The following NR5A2 variants were observed in gnomAD, a reference collection of about 807,000 sequenced individuals.
NR5A2 encodes the protein nuclear receptor subfamily 5 group A member 2, also known as CYP7A promoter-binding factor.
Under a neutral mutation model 62.7 loss-of-function variants are expected in NR5A2, and 26 were observed. That is an observed-to-expected ratio of 0.41 (90% CI 0.30 to 0.58). The LOEUF (loss-of-function observed/expected upper bound fraction) is 0.58. Ranked by LOEUF, NR5A2 falls within the 20% of genes least tolerant of loss-of-function variation. NR5A2 has a pLI of 0.22. For synonymous variants in NR5A2, 246 were observed against 241.7 expected (o/e 1.02, Z -0.16); for missense variants, 541 against 669.1 (o/e 0.81, Z 2.11).
chr1:200,105,680 C>T (rs146965072), intron 5 of NR5A2, among the ~76,000 whole-genome samples: 2,100 of 152,216 alleles, frequency 0.014, 45 homozygotes, highest in African/African-American at 0.047. Context: ...GGCCAGGCTC[C>T]GGGGGTCATA....
intron 7 of NR5A2, among the ~76,000 whole-genome samples, chr1:200,140,655 G>A (rs1202377917): frequency 6.6e-6 from 1 of 152,144 alleles, no homozygotes; most frequent in East Asian, 1.9e-4. Context: ...GAAGTTGGAT[G>A]TTAAGATACA....
intron 5 of NR5A2, among the ~76,000 whole-genome samples, chr1:200,068,765 G>A (rs1423191037): frequency 2.0e-5 from 3 of 152,148 alleles, no homozygotes; most frequent in South Asian, 2.1e-4. Flanking sequence ...ATCTGCTTCC[G>A]ATTTGCAGTT....
intron 2 of NR5A2, among the ~76,000 whole-genome samples, chr1:200,040,817 A>G (rs1244746117): frequency 1.3e-5 from 2 of 152,226 alleles, no homozygotes; most frequent in Admixed American, 6.5e-5. Context: ...CCGGGCGCTC[A>G]GGCCGGGGGA....
intron 5 of NR5A2, among the ~76,000 whole-genome samples, chr1:200,054,362 A>T (rs923289487): frequency 9.5e-5 from 14 of 147,344 alleles, no homozygotes; most frequent in Non-Finnish European, 1.8e-4. Flanking sequence ...TTTTTCAGTT[A>T]TTTTTTTTTT....
At chr1:200,149,368 G>A (rs984225457) in intron 7 of NR5A2, among the ~76,000 whole-genome samples, 4 of 152,188 alleles carry the variant, frequency 2.6e-5, no homozygotes, top group African/African-American at 7.2e-5. Context: ...TTGATTCACC[G>A]TGTATCTTCT....
At chr1:200,075,327 TG>T (rs1663976195) in intron 5 of NR5A2, among the ~76,000 whole-genome samples, 1 of 152,256 alleles carries the variant, frequency 6.6e-6, no homozygotes, top group South Asian at 2.1e-4. Flanking sequence ...GAGGCTTTTT[TG>T]CTTCAGCAAT....
chr1:200,072,244 G>A (rs1322743672), intron 5 of NR5A2, among the ~76,000 whole-genome samples: 1 of 151,922 alleles, frequency 6.6e-6, no homozygotes, highest in Non-Finnish European at 1.5e-5. Context: ...TTGTATTCCA[G>A]CAAGCAATTT....
chr1:200,114,878 C>G (rs1666142749), intron 6 of NR5A2, among the ~76,000 whole-genome samples: 1 of 152,136 alleles, frequency 6.6e-6, no homozygotes, highest in Admixed American at 6.6e-5. Context: ...ACCAACATGC[C>G]ATACCGTTTA....
chr1:200,088,185 G>T (rs890983811), intron 5 of NR5A2, among the ~76,000 whole-genome samples: 1 of 151,300 alleles, frequency 6.6e-6, no homozygotes, highest in Non-Finnish European at 1.5e-5. Flanking sequence ...CATTAGAGGC[G>T]TGAGCCATGG....
intron 5 of NR5A2, among the ~76,000 whole-genome samples, chr1:200,060,885 C>T (rs558763086): frequency 2.8e-5 from 4 of 143,084 alleles, no homozygotes; most frequent in East Asian, 2.0e-4. Context: ...AGGTGGATCA[C>T]GAGGTCAGGA....
intron 7 of NR5A2, among the ~76,000 whole-genome samples, chr1:200,164,565 T>G (rs1653804675): frequency 6.6e-6 from 1 of 151,602 alleles, no homozygotes; most frequent in South Asian, 2.1e-4. Flanking sequence ...TTTTTTTTTT[T>G]GAGACAGAGT....
intron 4 of NR5A2, 64 bp downstream of exon 4, chr1:200,045,648 A>T: frequency 7.5e-7 from 1 of 1,336,088 alleles, no homozygotes; most frequent in South Asian, 1.4e-5. Context: ...GTAAAACAAC[A>T]TTGTACTTAT....
At chr1:200,050,763 A>C (rs1379147942) in intron 5 of NR5A2, among the ~76,000 whole-genome samples, 1 of 152,196 alleles carries the variant, frequency 6.6e-6, no homozygotes, top group East Asian at 1.9e-4. Flanking sequence ...TTGGTGGCAC[A>C]TGCCTGTAAT....
chr1:200,062,897 T>C (rs1337404298), intron 5 of NR5A2, among the ~76,000 whole-genome samples: 1 of 152,208 alleles, frequency 6.6e-6, no homozygotes, highest in African/African-American at 2.4e-5. Flanking sequence ...AAATTATGGA[T>C]CTGTTTGGCA....
chr1:200,093,007 C>T (rs570984007), intron 5 of NR5A2, among the ~76,000 whole-genome samples: 5 of 151,312 alleles, frequency 3.3e-5, no homozygotes, highest in Admixed American at 1.3e-4. Flanking sequence ...CCTCAGCCTC[C>T]TGAGTAGCTG....
chr1:200,105,693 C>T (rs1665616950), intron 5 of NR5A2, among the ~76,000 whole-genome samples: 1 of 152,116 alleles, frequency 6.6e-6, no homozygotes, highest in African/African-American at 2.4e-5. Flanking sequence ...GGGTCATACC[C>T]ATAGTCCCAG....
intron 5 of NR5A2, among the ~76,000 whole-genome samples, chr1:200,110,101 AC>A (rs965665168): frequency 1.8e-4 from 27 of 152,252 alleles, no homozygotes; most frequent in Non-Finnish European, 3.7e-4. Context: ...CCTCTCTGAC[AC>A]CCCTGTTTTC....
In NR5A2 at chr1:200,061,275, C is replaced by CTTT. The variant is rs35232000; in HGVS notation, c.1110+12474_1110+12476dup. On this transcript the variant is annotated intron_variant, in intron 5 of 7. Transcript: ENST00000367362. ...CAGAGTGCACAACATTCGGGATTAA[C>CTTT]TTTTTTTTTTTTTTTTTTTGGAGAC... 7.0e-3 allele frequency among the ~76,000 whole-genome samples: 863 copies of CTTT among 122,836 alleles called. 35 individuals carry two copies. The highest frequency in any genetic ancestry group is 0.026 in the African/African-American group (813 of 30,880). 80.6% of individuals were successfully genotyped at this position (122,836 alleles called of 152,430 possible). A position where few individuals can be genotyped will look rare whatever the true frequency, so the allele number is the denominator to read the frequency against.
intron 7 of NR5A2, among the ~76,000 whole-genome samples, chr1:200,170,349 T>G (rs1171792283): frequency 6.6e-6 from 1 of 152,216 alleles, no homozygotes; most frequent in Non-Finnish European, 1.5e-5. Flanking sequence ...AGAATTTAAA[T>G]TTCTATTTAT....
Sources: allele counts gnomAD v4.1 joint callset (sites outside exome capture counted in the v4.1 genomes callset), GRCh38; gene constraint gnomAD v4.1.1; transcripts MANE v1.5; gene names NCBI Gene and HGNC (gene_info 2026-07-23, HGNC 2026-07-21).